SPON1: variants seen among roughly 807,000 people sequenced by gnomAD.
SPON1 encodes spondin-1.
SPON1 carries 52 observed loss-of-function variants against 111.7 expected under a neutral mutation model. That is an observed-to-expected ratio of 0.47 (90% CI 0.37 to 0.59). The LOEUF (loss-of-function observed/expected upper bound fraction) is 0.59, where lower values mean the gene tolerates loss of function less well. Ranked by LOEUF, SPON1 falls within the 20% of genes least tolerant of loss-of-function variation. The pLI is 0.00. For synonymous variants in SPON1, 410 were observed against 395.8 expected (o/e 1.04, Z -0.43); for missense variants, 957 against 1,068.5 (o/e 0.90, Z 1.46).
chr11:14,161,247 A>G (rs1591394799), intron 6 of SPON1, among the ~76,000 whole-genome samples: 1 of 87,508 alleles, frequency 1.1e-5, no homozygotes, highest in African/African-American at 4.4e-5. Context: ...TTATATATCT[A>G]TATATTTATA....
rs141691221 is a variant in SPON1, at chr11:14,214,202, G to A, written c.826-29130G>A. Among the ~76,000 whole-genome samples, 110 of 152,222 alleles carry A rather than the reference G, an allele frequency of 7.2e-4. 1 individual carries two copies. Among genetic ancestry groups the A allele is most frequent in the African/African-American group, 2.6e-3 (106 of 41,530 alleles). On this transcript the variant is annotated intron_variant, in intron 6 of 15. Coordinates refer to ENST00000576479, the MANE Select transcript of SPON1 (RefSeq NM_006108.4). Reference sequence around the variant, plus strand: ...ATGTTGTCCTGGGGAAAGAACTCTCGGCTCTGGTCCTCTGCGCGTAGGGCC... The same window carrying A: ...ATGTTGTCCTGGGGAAAGAACTCTCAGCTCTGGTCCTCTGCGCGTAGGGCC...
At chr11:14,250,898 A>T (rs1210851668) in intron 7 of SPON1, among the ~76,000 whole-genome samples, 1 of 152,230 alleles carries the variant, frequency 6.6e-6, no homozygotes, top group Non-Finnish European at 1.5e-5. Flanking sequence ...CTCCATGTTC[A>T]TTTCTTAGAT....
intron 6 of SPON1, among the ~76,000 whole-genome samples, chr11:14,143,812 G>C (rs1440875443): frequency 6.6e-6 from 1 of 152,148 alleles, no homozygotes; most frequent in South Asian, 2.1e-4. Flanking sequence ...ACAAAATGCT[G>C]GGTCTAGAGT....
At chr11:14,040,541 A>C (rs1039871260) in intron 2 of SPON1, among the ~76,000 whole-genome samples, 3 of 152,172 alleles carry the variant, frequency 2.0e-5, no homozygotes, top group African/African-American at 2.4e-5. Context: ...CCAGTGATAA[A>C]ATTATATGAT....
At chr11:14,263,028 C>T (rs1242814189) in intron 15 of SPON1, 53 bp downstream of exon 15, 1 of 1,513,234 alleles carries the variant, frequency 6.6e-7, no homozygotes, top group African/African-American at 1.4e-5. Flanking sequence ...CAGGGTTCTG[C>T]ACTGGGCTAA....
At chr11:14,127,013 A>T (rs1192513153) in intron 5 of SPON1, among the ~76,000 whole-genome samples, 1 of 152,022 alleles carries the variant, frequency 6.6e-6, no homozygotes. Context: ...ACCCCTCCCC[A>T]ATCACCCAAT....
At chr11:14,060,418 G>A (rs935164723) in intron 3 of SPON1, among the ~76,000 whole-genome samples, 3 of 152,202 alleles carry the variant, frequency 2.0e-5, no homozygotes, top group Non-Finnish European at 2.9e-5. Context: ...AGTCAAAGTT[G>A]TTGGGCTCCT....
chr11:14,265,697 G>A lies in SPON1; in HGVS notation c.*10G>A, dbSNP rs373899475. 4 of 1,612,022 alleles carry A rather than the reference G, an allele frequency of 2.5e-6. No individual in the cohort carries two copies. Among genetic ancestry groups the A allele is most frequent in the Admixed American group, 1.7e-5 (1 of 59,780 alleles). ...TGTTCATCCTTGTTAGCAAGGGTAC[G>A]AGTTCCCCAGGGCTGCACTCTAGAT... On this transcript the variant is annotated 3_prime_UTR_variant, in exon 16 of 16. Coordinates refer to ENST00000576479, the MANE Select transcript of SPON1 (RefSeq NM_006108.4).
rs1392434237 is a variant in SPON1, at chr11:14,259,903, G to A, written c.1831+202G>A. Among the ~76,000 whole-genome samples the A allele has an allele frequency of 1.3e-5, 2 of 152,224 alleles. No individual in the cohort carries two copies. Among genetic ancestry groups the A allele is most frequent in the Admixed American group, 6.5e-5 (1 of 15,282 alleles). On this transcript the variant is annotated intron_variant, in intron 13 of 15. Coordinates refer to ENST00000576479, the MANE Select transcript of SPON1 (RefSeq NM_006108.4). The surrounding 1 kb of genome is among the most constrained non-coding windows in gnomAD (Gnocchi z 5.0). ...AGACCCAGAGAGAGTAACCTCCACT[G>A]GGGGACATTCTAAGCAATGCTGGGG...
At chr11:14,067,303 C>T (rs914895918) in intron 3 of SPON1, among the ~76,000 whole-genome samples, 18 of 152,152 alleles carry the variant, frequency 1.2e-4, no homozygotes, top group African/African-American at 4.3e-4. Flanking sequence ...TATATCCCAC[C>T]ATGCCTCTTT....
chr11:14,203,218 A>T (rs1342123044), intron 6 of SPON1, among the ~76,000 whole-genome samples: 1 of 152,220 alleles, frequency 6.6e-6, no homozygotes, highest in East Asian at 1.9e-4. Flanking sequence ...AAGCAAGACC[A>T]TGTTTCTATT....
Position 14,256,640 on chromosome 11 carries a change from T to A in SPON1, c.1257T>A (p.Pro419=). ...AGGGTGAACAATGCAATATTGTACC[T>A]GACAATGTCGATGATATTGTAGCTG... is the stretch of plus-strand genomic sequence containing the variant. The part of the protein sequence containing the change: ...ARKGEQCNIV[P]DNVDDIVADL... The change falls in exon 10 of 16, where the codon CCT becomes CCA. Residue 419 remains proline (P), a synonymous_variant. Transcript: ENST00000576479. The A allele has an allele frequency of 6.2e-7, 1 of 1,613,606 alleles. No homozygotes were observed. The highest frequency in any genetic ancestry group is 8.5e-7 in the Non-Finnish European group (1 of 1,179,586).
At chr11:14,242,268 C>T (rs781834531) in intron 6 of SPON1, among the ~76,000 whole-genome samples, 1 of 152,192 alleles carries the variant, frequency 6.6e-6, no homozygotes, top group Non-Finnish European at 1.5e-5. Context: ...GCATTCTAGG[C>T]GCCTGCTGCC....
At chr11:14,101,399 CA>C (rs1849143080) in intron 5 of SPON1, among the ~76,000 whole-genome samples, 1 of 151,808 alleles carries the variant, frequency 6.6e-6, no homozygotes, top group South Asian at 2.1e-4. Context: ...GACTCCATCT[CA>C]AAAAATAATA....
intron 2 of SPON1, among the ~76,000 whole-genome samples, chr11:13,987,720 A>AT (rs1478834457): frequency 6.6e-6 from 1 of 152,146 alleles, no homozygotes; most frequent in Non-Finnish European, 1.5e-5. Flanking sequence ...CCTTGAGCTG[A>AT]TTTTTGTATA....
chr11:13,986,145 G>A (rs1166570043), intron 2 of SPON1, among the ~76,000 whole-genome samples: 4 of 152,164 alleles, frequency 2.6e-5, no homozygotes, highest in African/African-American at 9.7e-5. Context: ...TCCTCATGAA[G>A]CCTAAGGAGT....
At chr11:14,232,573 T>G (rs1848814554) in intron 6 of SPON1, among the ~76,000 whole-genome samples, 1 of 152,206 alleles carries the variant, frequency 6.6e-6, no homozygotes, top group East Asian at 1.9e-4. Flanking sequence ...GGAAGACCAC[T>G]CCTCCCTCCC....
chr11:14,017,841 G>C (rs1181922488), intron 2 of SPON1, among the ~76,000 whole-genome samples: 1 of 152,170 alleles, frequency 6.6e-6, no homozygotes, highest in African/African-American at 2.4e-5. Flanking sequence ...TGTGCATTCT[G>C]ATAATGGATG....
At chr11:14,160,897 TTATATATTTATATATATATTTATATA>T (rs1370657298) in intron 6 of SPON1, among the ~76,000 whole-genome samples, 1 of 51,316 alleles carries the variant, frequency 1.9e-5, no homozygotes, top group African/African-American at 8.2e-5. Flanking sequence ...TTATATATAT[TTATATATTTATATATATATTTATATA>T]TTTATATATT....
Sources: gnomAD v4.1 joint callset for allele counts (sites outside exome capture counted in the v4.1 genomes callset) on GRCh38, gnomAD v4.1.1 for gene constraint, Gnocchi (gnomAD v3.1) non-coding constraint, MANE v1.5 for transcripts, NCBI Gene and HGNC (gene_info 2026-07-23, HGNC 2026-07-21) for gene names.